The following SDK1 variants were observed in gnomAD, a reference collection of about 807,000 sequenced individuals.
SDK1 encodes protein sidekick-1.
In SDK1, 157 loss-of-function variants were observed where a neutral mutation model predicts 245.5. That is an observed-to-expected ratio of 0.64 (90% CI 0.56 to 0.73). SDK1 has a LOEUF of 0.73. Ranked by LOEUF, SDK1 falls within the 30% of genes least tolerant of loss-of-function variation. SDK1 has a pLI of 0.00. For missense variants in SDK1, 3,583 were observed against 3,002.3 expected (o/e 1.19, Z -4.52); for synonymous variants, 1,647 against 1,278.5 (o/e 1.29, Z -6.15).
chr7:3,962,683 T>C lies in SDK1; in HGVS notation c.1261T>C (p.Tyr421His). The C allele has an allele frequency of 6.2e-7, 1 of 1,613,380 alleles. No individual in the cohort carries two copies. Among genetic ancestry groups the C allele is most frequent in the Non-Finnish European group, 8.5e-7 (1 of 1,179,626 alleles). ...MGVPLPTLQW[Y>H]KDAISISRLQ... ...GGTCCCCCTTCCCACCCTCCAGTGG[T>C]ACAAGGATGCCATCTCCATCAGCAG... The change falls in exon 9 of 45, where the codon TAC (tyrosine) becomes CAC (histidine). Residue 421 changes from tyrosine to histidine, a missense_variant. Transcript: ENST00000404826.
intron 4 of SDK1, among the ~76,000 whole-genome samples, chr7:3,773,819 C>T (rs1583399513): frequency 6.6e-6 from 1 of 152,204 alleles, no homozygotes; most frequent in South Asian, 2.1e-4. Context: ...CATGCACAGG[C>T]ACTTCCTAAT....
chr7:3,701,811 A>G (rs947983169), intron 4 of SDK1, among the ~76,000 whole-genome samples: 1 of 152,060 alleles, frequency 6.6e-6, no homozygotes, highest in Non-Finnish European at 1.5e-5. Context: ...GAACATAGAA[A>G]TAGGCCCACA....
intron 14 of SDK1, among the ~76,000 whole-genome samples, chr7:4,007,433 G>A (rs967667684): frequency 5.3e-5 from 8 of 152,052 alleles, no homozygotes; most frequent in African/African-American, 1.2e-4. Context: ...AGGAAGCCTC[G>A]GGGCAGGAGT....
At chr7:3,995,664 G>A (rs943223816) in intron 14 of SDK1, among the ~76,000 whole-genome samples, 1 of 152,184 alleles carries the variant, frequency 6.6e-6, no homozygotes, top group Non-Finnish European at 1.5e-5. Flanking sequence ...GAGGTTGAGG[G>A]TTCTGAGTTT....
chr7:4,048,776 A>G (rs142012294), intron 17 of SDK1, among the ~76,000 whole-genome samples: 38 of 152,348 alleles, frequency 2.5e-4, no homozygotes, highest in African/African-American at 9.1e-4. Flanking sequence ...TGGCAGGTAT[A>G]TAATTGGGTT....
rs754380518 is a variant in SDK1 at position 3,572,680 on chromosome 7, T to C, written c.299-46400T>C. ...TTCAGTCATCTATTTGTCAAGTGCC[T>C]GTAATGTAACAGGCGTGATACTAGG... On this transcript the variant is annotated intron_variant, in intron 1 of 44. Transcript: ENST00000404826. Among the ~76,000 whole-genome samples the C allele has an allele frequency of 6.6e-5, 10 of 152,066 alleles. No individual in the cohort carries two copies. In the South Asian group the frequency reaches 8.3e-4, roughly 13 times the overall value.
intron 28 of SDK1, among the ~76,000 whole-genome samples, chr7:4,139,731 GTGTGTA>G (rs1207130098): frequency 2.1e-3 from 292 of 142,040 alleles, no homozygotes; most frequent in African/African-American, 7.6e-3. Context: ...ATGTGTGTGT[GTGTGTA>G]TGTGTGTGTG....
At chr7:4,008,501 C>T (rs973574467) in intron 14 of SDK1, among the ~76,000 whole-genome samples, 6 of 151,994 alleles carry the variant, frequency 3.9e-5, no homozygotes, top group East Asian at 1.9e-4. Context: ...TGGCCGGGGT[C>T]GGGTCATACA....
rs577802735 is a variant in SDK1, at chr7:4,265,648, G to C, written c.*264G>C. 7.9e-7 allele frequency: 1 copy of C among 1,261,510 alleles called. No individual in the cohort carries two copies. The highest frequency in any genetic ancestry group is 9.9e-7 in the Non-Finnish European group (1 of 1,007,992). 78.1% of individuals were successfully genotyped at this position (1,261,510 alleles called of 1,614,324 possible). A position where few individuals can be genotyped will look rare whatever the true frequency, so the allele number is the denominator to read the frequency against. On this transcript the variant is annotated 3_prime_UTR_variant, in exon 45 of 45. Coordinates refer to ENST00000404826, the MANE Select transcript of SDK1 (RefSeq NM_152744.4). Reference sequence around the variant, plus strand: ...GAAGGTGTATTTCACTGGTGCAATGGCTTGGCACCTCCGGGGCCTGGGAGG... The same window carrying C: ...GAAGGTGTATTTCACTGGTGCAATGCCTTGGCACCTCCGGGGCCTGGGAGG...
At chr7:4,080,695 C>T (rs1440602410) in intron 22 of SDK1, among the ~76,000 whole-genome samples, 2 of 152,040 alleles carry the variant, frequency 1.3e-5, no homozygotes, top group Non-Finnish European at 2.9e-5. Flanking sequence ...CATCACACAC[C>T]AGGGACTGTT....
At chr7:3,458,172 C>T (rs1191319825) in intron 1 of SDK1, among the ~76,000 whole-genome samples, 1 of 150,556 alleles carries the variant, frequency 6.6e-6, no homozygotes, top group Non-Finnish European at 1.5e-5. Context: ...GCATGGTGGC[C>T]TTGATCTGGG....
intron 5 of SDK1, among the ~76,000 whole-genome samples, chr7:3,920,397 GAAGGTC>G (rs766624338): frequency 2.1e-4 from 32 of 152,238 alleles, no homozygotes; most frequent in South Asian, 1.2e-3. Flanking sequence ...AGTCTGGGGG[GAAGGTC>G]AAGGTCAAGG....
At position 3,455,242 on chromosome 7, in the gene SDK1, CTT is replaced by C. The variant is rs535511073; in HGVS notation, c.298+153359_298+153360del. On this transcript the variant is annotated intron_variant, in intron 1 of 44. Coordinates refer to ENST00000404826, the MANE Select transcript of SDK1 (RefSeq NM_152744.4). The stretch of plus-strand genomic sequence containing the variant: ...TTTTCTCTCAGTCTGTAGCTTGTCT[CTT>C]CATCATCTTACGAGGGTTTTCACAA... Among the ~76,000 whole-genome samples the C allele has an allele frequency of 1.2e-3, 181 of 151,884 alleles. 3 individuals carry two copies. Among genetic ancestry groups the C allele is most frequent in the African/African-American group, 4.2e-3 (175 of 41,462 alleles).
intron 27 of SDK1, chr7:4,130,325 T>C: frequency 1.8e-6 from 1 of 558,128 alleles, no homozygotes; most frequent in East Asian, 3.2e-5. Flanking sequence ...TGAGTTTCCC[T>C]CATAACTCTG....
chr7:3,562,794 A>G (rs1293050035), intron 1 of SDK1, among the ~76,000 whole-genome samples: 1 of 152,208 alleles, frequency 6.6e-6, no homozygotes, highest in African/African-American at 2.4e-5. Context: ...ACGTGAGGAT[A>G]TAAGAAGTAT....
chr7:3,755,348 C>T (rs1429918943), intron 4 of SDK1, among the ~76,000 whole-genome samples: 2 of 152,086 alleles, frequency 1.3e-5, no homozygotes, highest in Admixed American at 1.3e-4. Context: ...GTTCGGTGCC[C>T]ATGACTGCAG....
Position 4,178,919 on chromosome 7 carries a change from G to A in SDK1, c.5098+333G>A, listed in dbSNP as rs1042545415. Among the ~76,000 whole-genome samples the A allele has an allele frequency of 5.9e-5, 9 of 152,232 alleles. 1 individual carries two copies. Among genetic ancestry groups the A allele is most frequent in the Admixed American group, 1.3e-4 (2 of 15,286 alleles). The stretch of plus-strand genomic sequence containing the variant: ...GTAGGTGTGTGGGAAATGGAACCTC[G>A]TTATCTGGAGGGGCAGATGTTTGTA... On this transcript the variant is annotated intron_variant, in intron 35 of 44. Transcript: ENST00000404826.
intron 32 of SDK1, among the ~76,000 whole-genome samples, chr7:4,173,726 A>T (rs959482661): frequency 6.6e-6 from 1 of 152,114 alleles, no homozygotes; most frequent in African/African-American, 2.4e-5. Flanking sequence ...CTGAGGACTG[A>T]GTCCGGCACA....
chr7:3,588,599 G>C (rs1243683812), intron 1 of SDK1, among the ~76,000 whole-genome samples: 1 of 152,164 alleles, frequency 6.6e-6, no homozygotes, highest in African/African-American at 2.4e-5. Context: ...AGTCTCTTCA[G>C]TCAGTGGCTT....
Sources: gnomAD v4.1 joint callset for allele counts (sites outside exome capture counted in the v4.1 genomes callset) on GRCh38, gnomAD v4.1.1 for gene constraint, MANE v1.5 for transcripts, NCBI Gene and HGNC (gene_info 2026-07-23, HGNC 2026-07-21) for gene names.